Variants in MCF2L observed in about 807,000 individuals in gnomAD.
MCF2L encodes MCF.2 cell line derived transforming sequence like, also known as guanine nucleotide exchange factor DBS.
A neutral mutation model predicts 153.4 loss-of-function variants in MCF2L; 97 were observed. That is an observed-to-expected ratio of 0.63 (90% confidence interval 0.54 to 0.75). MCF2L has a LOEUF of 0.75. Ranked by LOEUF, MCF2L falls within the 30% of genes least tolerant of loss-of-function variation. MCF2L has a pLI of 0.00. For missense variants in MCF2L, 1,347 were observed against 1,495.2 expected, an observed-to-expected ratio of 0.90 and a Z score of 1.64; for synonymous variants, 659 against 632.2, an observed-to-expected ratio of 1.04 and a Z score of -0.64.
chr13:113,084,337 C>CCTGAACCCCAGAACCTT (rs1212165455), intron 18 of MCF2L, among the ~76,000 whole-genome samples: 5 of 151,662 alleles, frequency 3.3e-5, no homozygotes, highest in Admixed American at 3.3e-4. Flanking sequence ...CCCAGAACCT[C>CCTGAACCCCAGAACCTT]CTGAACCCCA....
intron 16 of MCF2L, among the ~76,000 whole-genome samples, chr13:113,081,830 AGGT>A (rs548561038): frequency 1.3e-5 from 2 of 152,104 alleles, no homozygotes; most frequent in South Asian, 2.1e-4. Flanking sequence ...GAGTGTTCAG[AGGT>A]GGTGGTCACC....
chr13:112,896,457 G>GCCCCCC (rs59245470), intron 1 of MCF2L, among the ~76,000 whole-genome samples: 2 of 151,312 alleles, frequency 1.3e-5, no homozygotes, highest in African/African-American at 4.9e-5. Flanking sequence ...CAGAAGAGAG[G>GCCCCCC]CCCCCCCTGT....
At chr13:113,088,717 TG>T in intron 25 of MCF2L, 89 bp downstream of exon 25, 2 of 1,319,650 alleles carry the variant, frequency 1.5e-6, no homozygotes, top group Admixed American at 3.9e-5. Context: ...CCTCTGTCAG[TG>T]GGACCCTGTG....
At chr13:113,029,310 T>C (rs2085501391) in intron 3 of MCF2L, among the ~76,000 whole-genome samples, 1 of 152,114 alleles carries the variant, frequency 6.6e-6, no homozygotes, top group African/African-American at 2.4e-5. Context: ...ACCCCGTGCC[T>C]CCAGGGTGTT....
At chr13:113,019,096 C>A in intron 2 of MCF2L, among the ~76,000 whole-genome samples, 1 of 152,200 alleles carries the variant, frequency 6.6e-6, no homozygotes, top group East Asian at 1.9e-4. Flanking sequence ...CAAGCGCTCG[C>A]TGCACAAGCC....
rs553696416 is a variant in MCF2L at position 113,011,243 on chromosome 13, T to C, written c.80-3520T>C. Among the ~76,000 whole-genome samples, 22 of 152,340 alleles carry C rather than the reference T, an allele frequency of 1.4e-4. 1 individual carries two copies. Among genetic ancestry groups the C allele is most frequent in the African/African-American group, 4.3e-4 (18 of 41,590 alleles). On this transcript the variant is annotated intron_variant, in intron 1 of 29. Coordinates refer to ENST00000535094, the MANE Select transcript of MCF2L (RefSeq NM_001112732.3). ...ATGTAGCGATATTTTAGAGTTTATTTGTATGAGGGCTTAGCTGTGTGCAGT... is the reference window on the plus strand; with the variant it reads ...ATGTAGCGATATTTTAGAGTTTATTCGTATGAGGGCTTAGCTGTGTGCAGT...
At chr13:112,959,346 C>T (rs1257882959) in intron 2 of MCF2L, among the ~76,000 whole-genome samples, 6 of 152,068 alleles carry the variant, frequency 3.9e-5, no homozygotes, top group Admixed American at 6.5e-5. Context: ...GGGCTCTCAT[C>T]GAGAGTTTCT....
chr13:113,033,031 C>T (rs2993318), intron 3 of MCF2L, among the ~76,000 whole-genome samples: 24,217 of 123,626 alleles, frequency 0.2, 2,831 homozygotes, highest in East Asian at 0.44. Context: ...TAGTGGACCC[C>T]GTGGCGTGAG....
intron 4 of MCF2L, among the ~76,000 whole-genome samples, chr13:113,056,158 G>A (rs1377089305): frequency 1.3e-5 from 2 of 152,262 alleles, no homozygotes; most frequent in African/African-American, 2.4e-5. Context: ...TGGACGGGGA[G>A]GGCAGCCGCC....
At chr13:113,085,060 A>G in intron 19 of MCF2L, 26 bp from the exon 20 acceptor site, 2 of 1,613,546 alleles carry the variant, frequency 1.2e-6, no homozygotes, top group East Asian at 4.5e-5. Context: ...AAATTGTGCA[A>G]ACCAAAGGCT....
In MCF2L at chr13:112,983,843, G is replaced by GA. The variant is rs1566688313; in HGVS notation, c.79+14385_79+14386insA. ...CATCTCTGTGGACAGACCTCTCCCC[G>GA]TGCTGCAGCTGTTTTCCTTGGGTTG... On this transcript the variant is annotated intron_variant, in intron 1 of 29. Coordinates refer to ENST00000535094, the MANE Select transcript of MCF2L (RefSeq NM_001112732.3). The surrounding 1 kb of genome is among the most constrained non-coding windows in gnomAD (Gnocchi z 4.0). Among the ~76,000 whole-genome samples the GA allele has an allele frequency of 6.6e-6, 1 of 152,170 alleles. No homozygotes were observed. Among genetic ancestry groups the GA allele is most frequent in the Non-Finnish European group, 1.5e-5 (1 of 68,022 alleles).
chr13:113,067,064 G>C (rs1480604329), intron 8 of MCF2L, among the ~76,000 whole-genome samples: 1 of 152,260 alleles, frequency 6.6e-6, no homozygotes, highest in Non-Finnish European at 1.5e-5. Context: ...ATGAGGGTGG[G>C]CCCTGCCCTG....
At chr13:113,056,205 G>A (rs912023541) in intron 4 of MCF2L, among the ~76,000 whole-genome samples, 2 of 152,264 alleles carry the variant, frequency 1.3e-5, no homozygotes, top group Non-Finnish European at 2.9e-5. Flanking sequence ...CAAGGGGCAG[G>A]GGCACATCTC....
chr13:112,934,962 C>G (rs2081500552), intron 2 of MCF2L, among the ~76,000 whole-genome samples: 1 of 152,196 alleles, frequency 6.6e-6, no homozygotes, highest in Non-Finnish European at 1.5e-5. Context: ...CAAATAAATA[C>G]TTTAGAAAAT....
chr13:113,030,724 T>C (rs2085632951), intron 3 of MCF2L, among the ~76,000 whole-genome samples: 1 of 152,190 alleles, frequency 6.6e-6, no homozygotes, highest in Non-Finnish European at 1.5e-5. Flanking sequence ...TGGAGCTCCA[T>C]TTAACCAACA....
intron 2 of MCF2L, among the ~76,000 whole-genome samples, chr13:112,919,042 C>T (rs1053039652): frequency 6.6e-6 from 1 of 152,120 alleles, no homozygotes; most frequent in African/African-American, 2.4e-5. Context: ...CTGTGGGCCC[C>T]GTGCCTCTCT....
At chr13:112,915,863 G>A (rs1433159525) in intron 2 of MCF2L, among the ~76,000 whole-genome samples, 1 of 151,976 alleles carries the variant, frequency 6.6e-6, no homozygotes, top group Non-Finnish European at 1.5e-5. Flanking sequence ...AGGCTGAGAT[G>A]GGTACTTTGT....
At chr13:112,964,108 CGGGGGGG>C (rs2081865098) in intron 2 of MCF2L, among the ~76,000 whole-genome samples, 1 of 1,764 alleles carries the variant, frequency 5.7e-4, no homozygotes, top group Non-Finnish European at 2.3e-3. Flanking sequence ...TTGCAGGGGG[CGGGGGGG>C]CGGGGGGGCC....
intron 2 of MCF2L, among the ~76,000 whole-genome samples, chr13:113,023,893 C>T (rs754918594): frequency 3.4e-4 from 52 of 152,352 alleles, no homozygotes; most frequent in Middle Eastern, 3.4e-3. Flanking sequence ...GATGCAGGGT[C>T]GTGGGACCAC....
Sources: gnomAD v4.1 joint callset for allele counts (sites outside exome capture counted in the v4.1 genomes callset) on GRCh38, gnomAD v4.1.1 for gene constraint, Gnocchi (gnomAD v3.1) non-coding constraint, MANE v1.5 for transcripts, NCBI Gene and HGNC (gene_info 2026-07-23, HGNC 2026-07-21) for gene names.